Variants in TMEM71 observed in about 807,000 individuals in gnomAD.
TMEM71 encodes transmembrane protein 71.
In TMEM71, 44 loss-of-function variants were observed where a neutral mutation model predicts 38.0. The ratio of observed to expected loss-of-function variants is 1.16; its 90% CI spans 0.91 to 1.49. TMEM71 has a LOEUF of 1.49. Ranked by LOEUF, TMEM71 falls within the 40% of genes most tolerant of loss-of-function variation. The probability of loss-of-function intolerance (pLI) is 0.00; values close to 1 mark genes in which losing one functional copy is unlikely to be tolerated. For missense variants in TMEM71, 367 were observed against 348.6 expected (o/e 1.05, Z -0.42); for synonymous variants, 133 against 122.5 (o/e 1.09, Z -0.56).
At chr8:132,775,436 A>G in the TMEM71 span, 1 of 385,376 alleles carries the variant, frequency 2.6e-6, no homozygotes. Flanking sequence ...ATGGCAGCGG[A>G]CCCTGAGCGA....
the TMEM71 span, among the ~76,000 whole-genome samples, chr8:132,771,928 C>T: frequency 6.6e-6 from 1 of 152,202 alleles, no homozygotes; most frequent in South Asian, 2.1e-4. Context: ...TAAGTGAGCT[C>T]TTTGGCAGGT....
intron 1 of TMEM71, among the ~76,000 whole-genome samples, chr8:132,759,628 A>G (rs1257753887): frequency 1.3e-5 from 2 of 152,340 alleles, no homozygotes; most frequent in South Asian, 2.1e-4. Flanking sequence ...TCTGTTGACT[A>G]TGAAACTTTG....
intron 3 of TMEM71, among the ~76,000 whole-genome samples, chr8:132,752,884 GAA>G (rs1828803488): frequency 2.2e-5 from 3 of 137,518 alleles, no homozygotes; most frequent in Non-Finnish European, 4.7e-5. Context: ...AGGAAGGAAG[GAA>G]GGAATCACAT....
At chr8:132,771,642 ATTT>A in the TMEM71 span, among the ~76,000 whole-genome samples, 1 of 151,360 alleles carries the variant, frequency 6.6e-6, no homozygotes. Flanking sequence ...ATAACATCAT[ATTT>A]CTTTATTTTA....
intron 5 of TMEM71, among the ~76,000 whole-genome samples, chr8:132,739,078 T>C (rs1259037051): frequency 1.3e-5 from 2 of 152,218 alleles, no homozygotes; most frequent in African/African-American, 4.8e-5. Context: ...ATGTTACGTG[T>C]GTCTTCTGTC....
intron 5 of TMEM71, among the ~76,000 whole-genome samples, chr8:132,738,807 C>T (rs967800388): frequency 1.3e-5 from 2 of 151,938 alleles, no homozygotes; most frequent in Non-Finnish European, 2.9e-5. Context: ...AGAACTGTTT[C>T]TTCATTTAAC....
chr8:132,738,930 C>T lies in TMEM71; in HGVS notation c.487+8012G>A, dbSNP rs1192259125. On this transcript the variant is annotated intron_variant, in intron 5 of 9. Coordinates refer to ENST00000677595, the MANE Select transcript of TMEM71 (RefSeq NM_001382403.1). ...ATCTTCATGGCATTGTGCCAACGTC[C>T]ATTTCCTGGTTTTGATAATGTGCTA... 4.6e-5 allele frequency among the ~76,000 whole-genome samples: 7 copies of T among 152,078 alleles called. No individual in the cohort carries two copies. The East Asian group carries it at 1.4e-3, about 29-fold the overall frequency.
chr8:132,771,096 T>C, the TMEM71 span, among the ~76,000 whole-genome samples: 1 of 152,210 alleles, frequency 6.6e-6, no homozygotes, highest in African/African-American at 2.4e-5. Flanking sequence ...AAATCAGAAA[T>C]GTGAAAATCC....
At chr8:132,768,817 A>G in the TMEM71 span, among the ~76,000 whole-genome samples, 1 of 152,234 alleles carries the variant, frequency 6.6e-6, no homozygotes, top group Admixed American at 6.5e-5. Flanking sequence ...TTTCATTTGA[A>G]TGTCCACAAT....
At chr8:132,714,877 CA>C (rs1216162011) in intron 7 of TMEM71, among the ~76,000 whole-genome samples, 1 of 152,058 alleles carries the variant, frequency 6.6e-6, no homozygotes, top group Non-Finnish European at 1.5e-5. Context: ...AGAAAATAAG[CA>C]ACCCACTTGA....
downstream of TMEM71, among the ~76,000 whole-genome samples, chr8:132,707,566 T>G (rs1439147759): frequency 6.6e-6 from 1 of 152,120 alleles, no homozygotes; most frequent in Non-Finnish European, 1.5e-5. Flanking sequence ...ACAGATGAGT[T>G]TGGCCCCTTT....
the TMEM71 span, among the ~76,000 whole-genome samples, chr8:132,766,169 T>C: frequency 1.3e-5 from 2 of 152,132 alleles, no homozygotes; most frequent in African/African-American, 4.8e-5. Flanking sequence ...CAGTACCCCT[T>C]GTGAGGGACT....
intron 1 of TMEM71, chr8:132,759,437 C>G (rs1829210441): frequency 1.3e-5 from 2 of 151,722 alleles, no homozygotes; most frequent in African/African-American, 4.9e-5. Context: ...TTTTTATCAG[C>G]CTGGACATTC....
Position 132,710,170 on chromosome 8 carries a change from C to G in TMEM71, c.*797G>C, listed in dbSNP as rs1355447501. ...GTGGGGGGTGGAAAGGGAACATCTACAGCCCTTGAGTCAAGGCTCAAGGGT... is the reference window on the plus strand; with the variant it reads ...GTGGGGGGTGGAAAGGGAACATCTAGAGCCCTTGAGTCAAGGCTCAAGGGT... On this transcript the variant is annotated 3_prime_UTR_variant, in exon 10 of 10. Transcript: ENST00000677595. The G allele has an allele frequency of 6.6e-6, 1 of 152,114 alleles. No individual in the cohort carries two copies. Among genetic ancestry groups the G allele is most frequent in the African/African-American group, 2.4e-5 (1 of 41,428 alleles). 9.4% of individuals were successfully genotyped at this position (152,114 alleles called of 1,614,324 possible). A position where few individuals can be genotyped will look rare whatever the true frequency, so the allele number is the denominator to read the frequency against.
intron 9 of TMEM71, among the ~76,000 whole-genome samples, chr8:132,711,514 C>T (rs557163841): frequency 7.9e-5 from 12 of 152,124 alleles, no homozygotes; most frequent in Non-Finnish European, 1.2e-4. Flanking sequence ...ATTAAGTATA[C>T]GAACATACAT....
At chr8:132,721,458 G>A (rs1027508305) in intron 7 of TMEM71, among the ~76,000 whole-genome samples, 1 of 151,760 alleles carries the variant, frequency 6.6e-6, no homozygotes, top group African/African-American at 2.4e-5. Context: ...CTTCTCTTTG[G>A]AGAAAAAGCA....
intron 5 of TMEM71, among the ~76,000 whole-genome samples, chr8:132,746,410 T>C (rs112896499): frequency 2.3e-3 from 36 of 15,476 alleles, no homozygotes; most frequent in East Asian, 8.0e-3. Context: ...CATATATATA[T>C]ACACACACAT....
At chr8:132,772,671 A>G in the TMEM71 span, among the ~76,000 whole-genome samples, 1 of 152,188 alleles carries the variant, frequency 6.6e-6, no homozygotes, top group Admixed American at 6.5e-5. Context: ...TAACCAAGCT[A>G]TACATATATA....
intron 1 of TMEM71, among the ~76,000 whole-genome samples, chr8:132,759,963 G>A (rs1416647697): frequency 6.6e-6 from 1 of 152,164 alleles, no homozygotes; most frequent in African/African-American, 2.4e-5. Context: ...TAATCCCAGT[G>A]TAATGTAATA....
Sources: gnomAD v4.1 joint callset for allele counts (sites outside exome capture counted in the v4.1 genomes callset) on GRCh38, gnomAD v4.1.1 for gene constraint, MANE v1.5 for transcripts, NCBI Gene and HGNC (gene_info 2026-07-23, HGNC 2026-07-21) for gene names.